NCAM1: variants seen among roughly 807,000 people sequenced by gnomAD.
NCAM1 encodes the protein antigen recognized by monoclonal antibody 5.1H11.
NCAM1 carries 14 observed loss-of-function variants against 109.8 expected under a neutral mutation model. The observed-to-expected ratio is 0.13, with a 90% confidence interval of 0.08 to 0.20. NCAM1 has a LOEUF of 0.20. NCAM1 is among the 10% of genes least tolerant of loss of function. NCAM1 has a pLI of 1.00. For missense variants in NCAM1, 774 were observed against 1,109.9 expected (o/e 0.70, Z 4.30); for synonymous variants, 418 against 442.9 (o/e 0.94, Z 0.70).
At position 113,258,289 on chromosome 11, in the gene NCAM1, CTGTT is replaced by C. The variant is rs201878861; in HGVS notation, c.1954-1854_1954-1851del. On this transcript the variant is annotated intron_variant, in intron 16 of 19. Coordinates refer to ENST00000316851, the MANE Select transcript of NCAM1 (RefSeq NM_181351.5). ...GACTTCTCAGGCCTTCTTCCACAAACTGTTTGGTGAGGGAGGTGGTTACCTAATT... is the reference window on the plus strand; with the variant it reads ...GACTTCTCAGGCCTTCTTCCACAAACTGGTGAGGGAGGTGGTTACCTAATT... Among the ~76,000 whole-genome samples the C allele has an allele frequency of 7.9e-3, 1,206 of 152,336 alleles. 8 individuals are homozygous for C. Among genetic ancestry groups the C allele is most frequent in the Middle Eastern group, 0.017 (5 of 294 alleles).
intron 1 of NCAM1, among the ~76,000 whole-genome samples, chr11:113,022,546 G>T (rs1210966629): frequency 6.6e-6 from 1 of 152,194 alleles, no homozygotes; most frequent in Non-Finnish European, 1.5e-5. Context: ...GTACAGATGG[G>T]TTTGAGAATA....
chr11:113,034,317 C>T (rs7128314), intron 1 of NCAM1, among the ~76,000 whole-genome samples: 68,461 of 151,756 alleles, frequency 0.45, 16,313 homozygotes, highest in East Asian at 0.8. Flanking sequence ...GGGCTGTGAA[C>T]TTGGTACGGA....
chr11:112,961,609 T>G lies in NCAM1; in HGVS notation c.-4T>G, dbSNP rs1198592401. ...AGAACATCCCTCCCAGCCAGCAGATTACAATGCTGCAAACTAAGGATCTCA... is the reference window on the plus strand; with the variant it reads ...AGAACATCCCTCCCAGCCAGCAGATGACAATGCTGCAAACTAAGGATCTCA... On this transcript the variant is annotated 5_prime_UTR_variant, in exon 1 of 20. It adds an upstream start codon to the 5' untranslated region. Transcript: ENST00000316851. 1.1e-5 allele frequency: 16 copies of G among 1,483,838 alleles called. No individual in the cohort carries two copies. The highest frequency in any genetic ancestry group is 1.5e-5 in the Non-Finnish European group (16 of 1,063,924). 91.9% of individuals were successfully genotyped at this position (1,483,838 alleles called of 1,614,324 possible).
intron 1 of NCAM1, among the ~76,000 whole-genome samples, chr11:113,072,302 G>C (rs1938306447): frequency 6.6e-6 from 1 of 152,204 alleles, no homozygotes; most frequent in South Asian, 2.1e-4. Context: ...TTTGGAGGAA[G>C]CCAAAGGGCA....
intron 1 of NCAM1, among the ~76,000 whole-genome samples, chr11:112,987,881 AT>A (rs1951349264): frequency 1.3e-5 from 2 of 152,224 alleles, no homozygotes; most frequent in African/African-American, 4.8e-5. Context: ...GGAGACTCTA[AT>A]GTATTTGCAT....
intron 1 of NCAM1, among the ~76,000 whole-genome samples, chr11:113,015,563 C>A (rs1160027190): frequency 6.6e-6 from 1 of 151,852 alleles, no homozygotes; most frequent in Non-Finnish European, 1.5e-5. Context: ...TGGTGAAACC[C>A]CATCTCTACT....
chr11:113,272,326 C>T (rs1946300815), intron 19 of NCAM1, among the ~76,000 whole-genome samples: 1 of 152,092 alleles, frequency 6.6e-6, no homozygotes, highest in Non-Finnish European at 1.5e-5. Flanking sequence ...CCACGGAGCC[C>T]CAGACCAGTT....
chr11:113,093,843 C>T (rs1484907045), intron 1 of NCAM1, among the ~76,000 whole-genome samples: 2 of 152,222 alleles, frequency 1.3e-5, no homozygotes, highest in African/African-American at 4.8e-5. Flanking sequence ...AATGGCCTCC[C>T]ATCCCTGTGG....
At chr11:113,175,117 T>G (rs540950798) in intron 1 of NCAM1, among the ~76,000 whole-genome samples, 1 of 152,240 alleles carries the variant, frequency 6.6e-6, no homozygotes, top group Admixed American at 6.5e-5. Flanking sequence ...CTGAAGCCTT[T>G]GAATACTAAC....
chr11:113,175,714 A>G (rs558099502), intron 1 of NCAM1, among the ~76,000 whole-genome samples: 1 of 152,350 alleles, frequency 6.6e-6, no homozygotes, highest in South Asian at 2.1e-4. Context: ...CATTGTGGAA[A>G]AACATCAATC....
intron 1 of NCAM1, among the ~76,000 whole-genome samples, chr11:113,111,395 GA>G (rs200290784): frequency 1.7e-3 from 250 of 150,868 alleles, no homozygotes; most frequent in African/African-American, 5.4e-3. Flanking sequence ...CCTATTCTAG[GA>G]AAAAAAAAGT....
At chr11:113,084,749 A>T (rs868974208) in intron 1 of NCAM1, among the ~76,000 whole-genome samples, 1 of 152,126 alleles carries the variant, frequency 6.6e-6, no homozygotes, top group Non-Finnish European at 1.5e-5. Context: ...AGAGCATGGG[A>T]TGTAGAACCA....
At chr11:113,177,219 A>G (rs757086173) in intron 1 of NCAM1, among the ~76,000 whole-genome samples, 1 of 152,124 alleles carries the variant, frequency 6.6e-6, no homozygotes, top group Non-Finnish European at 1.5e-5. Context: ...TTATGCACAG[A>G]GTAGATCCTG....
In NCAM1 at chr11:113,274,065, G is replaced by C. The variant is rs1294609178; in HGVS notation, c.2457-1202G>C. Among the ~76,000 whole-genome samples, 1 of 152,196 alleles carries C rather than the reference G, an allele frequency of 6.6e-6. No homozygotes were observed. Among genetic ancestry groups the C allele is most frequent in the Non-Finnish European group, 1.5e-5 (1 of 68,040 alleles). On this transcript the variant is annotated intron_variant, in intron 19 of 19. Coordinates refer to ENST00000316851, the MANE Select transcript of NCAM1 (RefSeq NM_181351.5). The surrounding 1 kb of genome is among the most constrained non-coding windows in gnomAD (Gnocchi z 4.1). Reference sequence around the variant, plus strand: ...ATAGCTTGGGAAGCAGGCTAAGAAGGCCAAGGTGCCCTTATCAGCCACCCT... The same window carrying C: ...ATAGCTTGGGAAGCAGGCTAAGAAGCCCAAGGTGCCCTTATCAGCCACCCT...
intron 1 of NCAM1, among the ~76,000 whole-genome samples, chr11:113,112,074 G>C (rs555196199): frequency 5.3e-5 from 8 of 152,188 alleles, no homozygotes; most frequent in Non-Finnish European, 8.8e-5. Context: ...TGAACATTCT[G>C]TCTGTTGTTA....
chr11:112,965,171 T>G (rs1187434775), intron 1 of NCAM1, among the ~76,000 whole-genome samples: 1 of 152,066 alleles, frequency 6.6e-6, no homozygotes, highest in African/African-American at 2.4e-5. Context: ...TTGATTAAAC[T>G]AAGAATATGT....
intron 1 of NCAM1, among the ~76,000 whole-genome samples, chr11:113,152,562 AG>A (rs1942262210): frequency 6.6e-6 from 1 of 152,248 alleles, no homozygotes; most frequent in South Asian, 2.1e-4. Context: ...TTTATGGACT[AG>A]GCCCATCCTT....
chr11:112,984,232 A>T (rs1591213934), intron 1 of NCAM1, among the ~76,000 whole-genome samples: 1 of 151,962 alleles, frequency 6.6e-6, no homozygotes, highest in Non-Finnish European at 1.5e-5. Flanking sequence ...TAATGGCAGG[A>T]TGTCCCTCTT....
chr11:113,180,836 G>A (rs782663809), intron 1 of NCAM1, among the ~76,000 whole-genome samples: 60 of 152,132 alleles, frequency 3.9e-4, no homozygotes, highest in Non-Finnish European at 1.5e-4. Context: ...CCAGCTCTTC[G>A]TCTGTATAAT....
Sources: gnomAD v4.1 joint callset for allele counts (sites outside exome capture counted in the v4.1 genomes callset) on GRCh38, gnomAD v4.1.1 for gene constraint, Gnocchi (gnomAD v3.1) non-coding constraint, MANE v1.5 for transcripts, NCBI Gene and HGNC (gene_info 2026-07-23, HGNC 2026-07-21) for gene names.